NAIP: variants seen among roughly 807,000 people sequenced by gnomAD.
NAIP encodes the protein NLR family apoptosis inhibitory protein.
In NAIP, 15 loss-of-function variants were observed where a neutral mutation model predicts 23.0. The observed-to-expected ratio is 0.65, with a 90% confidence interval of 0.44 to 1.00. NAIP has a LOEUF of 1.00. Ranked by LOEUF, NAIP falls within the 50% of genes least tolerant of loss-of-function variation. NAIP has a pLI of 0.00. For synonymous variants in NAIP, 100 were observed against 100.2 expected (o/e 1.00, Z 0.01); for missense variants, 265 against 278.8 (o/e 0.95, Z 0.35).
chr5:70,977,981 TTGAGACTCTGTCTCAAA>T (rs1750352069), intron 13 of NAIP, among the ~76,000 whole-genome samples: 1 of 124,974 alleles, frequency 8.0e-6, no homozygotes, highest in Non-Finnish European at 1.8e-5. Flanking sequence ...GGGTGACAGA[TTGAGACTCTGTCTCAAA>T]AAAAAAAAAG....
chr5:71,011,571 C>A (rs1751162044), intron 4 of NAIP, 197 bp from the exon 5 acceptor site: 1 of 585,614 alleles, frequency 1.7e-6, no homozygotes, highest in South Asian at 2.2e-5. Context: ...AGGTACAGAA[C>A]CCTAAGCTGT....
intron 3 of NAIP, among the ~76,000 whole-genome samples, chr5:71,013,930 C>T (rs1322313220): frequency 2.6e-5 from 4 of 151,450 alleles, no homozygotes; most frequent in Non-Finnish European, 4.4e-5. Context: ...GCTCCCCATT[C>T]CCTCTTAACT....
At chr5:71,012,203 T>G in intron 4 of NAIP, 145 bp downstream of exon 4, 2 of 700,172 alleles carry the variant, frequency 2.9e-6, no homozygotes, top group Non-Finnish European at 4.5e-6. Flanking sequence ...ATATTGATGT[T>G]GAATTTTAAT....
In NAIP at chr5:71,011,362, G is replaced by A. The variant is rs201023314; in HGVS notation, c.581C>T (p.Thr194Met). The change falls in exon 5 of 17, where the codon ACG becomes ATG. Residue 194 changes from threonine to methionine, a missense_variant. Physicochemically the swap from Thr to Met is moderately conservative, Grantham distance 81 (BLOSUM62 -1). Coordinates refer to ENST00000517649, the MANE Select transcript of NAIP (RefSeq NM_004536.3). ...AGFVFTGKQDTVQCFSCGGCL... is the reference protein window; with the variant it reads ...AGFVFTGKQDMVQCFSCGGCL... The stretch of plus-strand genomic sequence containing the variant: ...TCCACCACAGGAAAAACACTGTACC[G>A]TGTCCTGTTTACCTATATATGAAGG... 1,114 of 1,601,348 alleles carry A rather than the reference G, an allele frequency of 7.0e-4. 27 individuals carry two copies. The highest frequency in any genetic ancestry group is 9.1e-4 in the Non-Finnish European group (1,066 of 1,172,720).
intron 5 of NAIP, among the ~76,000 whole-genome samples, chr5:71,009,153 C>G (rs1178859956): frequency 2.0e-5 from 3 of 148,890 alleles, no homozygotes; most frequent in Non-Finnish European, 4.5e-5. Context: ...GAGTTCCAGA[C>G]CAGCCTGGGC....
intron 5 of NAIP, among the ~76,000 whole-genome samples, chr5:71,010,743 C>A (rs1207844074): frequency 6.6e-6 from 1 of 151,366 alleles, no homozygotes; most frequent in Non-Finnish European, 1.5e-5. Context: ...CTGGGCAAAA[C>A]CTATCTTAGA....
intron 5 of NAIP, among the ~76,000 whole-genome samples, chr5:71,008,213 G>T (rs1283015610): frequency 6.7e-6 from 1 of 149,858 alleles, no homozygotes; most frequent in Admixed American, 6.7e-5. Context: ...GGGGTTACAG[G>T]TGCCTGCCAC....
At position 71,014,126 on chromosome 5, in the gene NAIP, C is replaced by T. The variant is rs1187497683; in HGVS notation, c.-3-1208G>A. 1.1e-4 allele frequency among the ~76,000 whole-genome samples: 16 copies of T among 147,544 alleles called. 1 individual carries two copies. The highest frequency in any genetic ancestry group is 3.2e-4 in the African/African-American group (13 of 40,038). ...TCCTTTTTTTTTTTTTTTAGACAGT[C>T]TCACTCTGTCACCCAGGCTGGAGTG... is the stretch of plus-strand genomic sequence containing the variant. On this transcript the variant is annotated intron_variant, in intron 3 of 16. Transcript: ENST00000517649.
At chr5:71,017,908 A>C (rs1339919508) in intron 3 of NAIP, among the ~76,000 whole-genome samples, 2 of 134,882 alleles carry the variant, frequency 1.5e-5, no homozygotes, top group Non-Finnish European at 3.3e-5. Context: ...GCTGTAGTAC[A>C]AGTGCAGTGG....
intron 3 of NAIP, among the ~76,000 whole-genome samples, chr5:71,013,710 A>G (rs1751286643): frequency 6.6e-6 from 1 of 150,904 alleles, no homozygotes; most frequent in Non-Finnish European, 1.5e-5. Flanking sequence ...TATACCTGCC[A>G]GAAGCCTCGG....
intron 5 of NAIP, among the ~76,000 whole-genome samples, chr5:71,010,596 C>T (rs895048022): frequency 1.3e-5 from 2 of 150,990 alleles, no homozygotes; most frequent in Non-Finnish European, 3.0e-5. Flanking sequence ...GAAACAGGGT[C>T]TCTACATGCC....
intron 3 of NAIP, among the ~76,000 whole-genome samples, chr5:71,014,202 A>G (rs919528709): frequency 1.3e-5 from 2 of 150,070 alleles, no homozygotes; most frequent in Admixed American, 1.3e-4. Context: ...GGTTCAAGCA[A>G]TTCTCCTGCC....
At chr5:71,014,426 C>CCG (rs1561519394) in intron 3 of NAIP, among the ~76,000 whole-genome samples, 1 of 151,454 alleles carries the variant, frequency 6.6e-6, no homozygotes, top group Non-Finnish European at 1.5e-5. Flanking sequence ...GGATTACAGA[C>CCG]GTGAGCCACC....
Position 71,011,680 on chromosome 5 carries a change from C to A in NAIP, c.569-306G>T, listed in dbSNP as rs191458432. 3 of 478,520 alleles carry A rather than the reference C, an allele frequency of 6.3e-6. No individual in the cohort carries two copies. In the East Asian group the frequency reaches 1.2e-4, roughly 19 times the overall value. The allele number at this position is 478,520 out of a possible 1,614,324, so 29.6% of individuals were successfully genotyped here. ...TAGGGAAGCCGACTAACACCAGGAC[C>A]AGCTGAAGTAACGTGCAATTAGAAA... On this transcript the variant is annotated intron_variant, in intron 4 of 16. Coordinates refer to ENST00000517649, the MANE Select transcript of NAIP (RefSeq NM_004536.3).
intron 5 of NAIP, among the ~76,000 whole-genome samples, 190 bp downstream of exon 5, chr5:71,011,085 T>G (rs1338925333): frequency 6.6e-6 from 1 of 150,768 alleles, no homozygotes; most frequent in East Asian, 2.0e-4. Context: ...ATACAAACAT[T>G]AGCCCATCTT....
chr5:70,973,067 A>AT (rs1436706619), intron 16 of NAIP, among the ~76,000 whole-genome samples: 49 of 151,414 alleles, frequency 3.2e-4, no homozygotes, highest in Non-Finnish European at 5.3e-4. Flanking sequence ...CGCCTGGCTA[A>AT]TTTTTTGTAT....
intron 3 of NAIP, among the ~76,000 whole-genome samples, chr5:71,014,416 G>A (rs1233995984): frequency 6.6e-6 from 1 of 151,136 alleles, no homozygotes; most frequent in African/African-American, 2.4e-5. Flanking sequence ...TCCCACACCG[G>A]GATTACAGAC....
At chr5:71,015,300 GC>G (rs1751386369) in intron 3 of NAIP, among the ~76,000 whole-genome samples, 1 of 150,634 alleles carries the variant, frequency 6.6e-6, no homozygotes, top group African/African-American at 2.4e-5. Context: ...GATCACTTGA[GC>G]CCAAGAATTC....
At chr5:70,989,206 CTG>C (rs1173810308) in intron 9 of NAIP, among the ~76,000 whole-genome samples, 1 of 76,100 alleles carries the variant, frequency 1.3e-5, no homozygotes, top group African/African-American at 8.3e-5. Flanking sequence ...GAGTGAAACT[CTG>C]TCTCAAAAAC....
Sources: gnomAD v4.1 joint callset for allele counts (sites outside exome capture counted in the v4.1 genomes callset) on GRCh38, gnomAD v4.1.1 for gene constraint, MANE v1.5 for transcripts, NCBI Gene and HGNC (gene_info 2026-07-23, HGNC 2026-07-21) for gene names.